The following UMODL1 variants were observed in gnomAD, a reference collection of about 807,000 sequenced individuals.
The protein encoded by UMODL1 is uromodulin like 1.
A neutral mutation model predicts 136.3 loss-of-function variants in UMODL1; 128 were observed. The observed-to-expected ratio is 0.94, with a 90% CI of 0.81 to 1.09. UMODL1 has a LOEUF of 1.09. Ranked by LOEUF, UMODL1 falls within the 50% of genes least tolerant of loss-of-function variation. The pLI is 0.00. For synonymous variants in UMODL1, 721 were observed against 720.0 expected, an observed-to-expected ratio of 1.00 and a Z score of -0.02; for missense variants, 1,766 against 1,725.6, an observed-to-expected ratio of 1.02 and a Z score of -0.41.
intron 9 of UMODL1, among the ~76,000 whole-genome samples, chr21:42,107,932 C>T (rs149857079): frequency 1.3e-3 from 196 of 152,326 alleles, no homozygotes; most frequent in African/African-American, 4.4e-3. Flanking sequence ...CAGTGTGCAG[C>T]GTCCTGCCCT....
rs2067110565 is a variant in UMODL1 at position 42,129,838 on chromosome 21, C to T, written c.3775+41C>T. On this transcript the variant is annotated intron_variant, in intron 21 of 22. Coordinates refer to ENST00000408910, the MANE Select transcript of UMODL1 (RefSeq NM_001004416.3). ...GGTTTAGACAATGAAAGAAAAGATG[C>T]AACCGATTCCTTTTCACCAGCATGT... 4 of 1,407,658 alleles carry T rather than the reference C, an allele frequency of 2.8e-6. No individual in the cohort carries two copies. In the South Asian group the frequency reaches 5.6e-5, roughly 20 times the overall value. The allele number at this position is 1,407,658 out of a possible 1,614,324, so 87.2% of individuals were successfully genotyped here.
chr21:42,089,729 T>C (rs1485215609), intron 5 of UMODL1, among the ~76,000 whole-genome samples: 2 of 152,236 alleles, frequency 1.3e-5, no homozygotes, highest in African/African-American at 2.4e-5. Context: ...AGATAAGCCA[T>C]AGTTTGTAAA....
chr21:42,097,003 G>C (rs377039159), intron 6 of UMODL1, among the ~76,000 whole-genome samples: 3 of 152,164 alleles, frequency 2.0e-5, no homozygotes, highest in Admixed American at 6.5e-5. Context: ...TGATTCCAGG[G>C]TTCTGGTGAC....
chr21:42,120,909 C>T (rs2066961415), intron 15 of UMODL1, 178 bp from the exon 16 acceptor site: 1 of 706,466 alleles, frequency 1.4e-6, no homozygotes, highest in Non-Finnish European at 2.2e-6. Flanking sequence ...CTTAGCCATT[C>T]CCAGCCCCAG....
At chr21:42,136,019 C>A (rs1318140881) in intron 21 of UMODL1, among the ~76,000 whole-genome samples, 1 of 152,096 alleles carries the variant, frequency 6.6e-6, no homozygotes, top group African/African-American at 2.4e-5. Flanking sequence ...TGGGGATGAA[C>A]ACCCTGAGAT....
chr21:42,095,112 T>TTTTTTA (rs1601205271), intron 6 of UMODL1, among the ~76,000 whole-genome samples: 1 of 144,372 alleles, frequency 6.9e-6, no homozygotes, highest in African/African-American at 2.6e-5. Context: ...TTTTTTTTTT[T>TTTTTTA]GAGACAGGGT....
At chr21:42,109,167 G>T (rs946915522) in intron 9 of UMODL1, among the ~76,000 whole-genome samples, 1 of 149,784 alleles carries the variant, frequency 6.7e-6, no homozygotes, top group Non-Finnish European at 1.5e-5. Context: ...ACTCAGCTGT[G>T]TCCCCACCCC....
At chr21:42,105,010 G>A (rs220113) in intron 9 of UMODL1, among the ~76,000 whole-genome samples, 80,050 of 152,012 alleles carry the variant, frequency 0.53, 21,728 homozygotes, top group Middle Eastern at 0.62. Context: ...GTCGTCTCCC[G>A]GGGTGCTGGG....
rs1352151579 is a variant in UMODL1 at position 42,071,462 on chromosome 21, C to T, written c.76+70C>T. 1.3e-5 allele frequency: 18 copies of T among 1,420,832 alleles called. No homozygotes were observed. The Admixed American group carries it at 2.6e-4, about 21-fold the overall frequency. 88.0% of individuals were successfully genotyped at this position (1,420,832 alleles called of 1,614,324 possible). A position where few individuals can be genotyped will look rare whatever the true frequency, so the allele number is the denominator to read the frequency against. On this transcript the variant is annotated intron_variant, in intron 1 of 22. Coordinates refer to ENST00000408910, the MANE Select transcript of UMODL1 (RefSeq NM_001004416.3). ...CTTCCTGGCATGGGTCTCATGAGGACAGCCCCCTGTGGAGACCTGGGCAGG... is the reference window on the plus strand; with the variant it reads ...CTTCCTGGCATGGGTCTCATGAGGATAGCCCCCTGTGGAGACCTGGGCAGG...
chr21:42,112,109 C>G (rs1278078093), intron 12 of UMODL1, among the ~76,000 whole-genome samples: 1 of 151,868 alleles, frequency 6.6e-6, no homozygotes, highest in African/African-American at 2.4e-5. Context: ...GATGACACCC[C>G]CACAACAACT....
intron 21 of UMODL1, among the ~76,000 whole-genome samples, chr21:42,135,728 G>A (rs959386582): frequency 1.3e-5 from 2 of 152,276 alleles, no homozygotes; most frequent in East Asian, 3.9e-4. Context: ...TGGGGAGGGT[G>A]GAGTCACTTT....
chr21:42,129,883 G>A, intron 21 of UMODL1, 86 bp downstream of exon 21: 1 of 1,039,642 alleles, frequency 9.6e-7, no homozygotes, highest in Non-Finnish European at 1.4e-6. Flanking sequence ...AGTAACTGTT[G>A]TGAAATGCAG....
At chr21:42,118,463 G>A (rs1263686915) in intron 14 of UMODL1, among the ~76,000 whole-genome samples, 1 of 152,222 alleles carries the variant, frequency 6.6e-6, no homozygotes, top group African/African-American at 2.4e-5. Flanking sequence ...CTTTCTGAGT[G>A]CTTTGACCAT....
chr21:42,078,646 CGGGG>C lies in UMODL1; in HGVS notation c.319+2400_319+2403del, dbSNP rs1569141446. ...ACCTCCATCACCAACAGAAACCAGGCGGGGCCAGCTGACCCCAGAGCAACACCTC... is the reference window on the plus strand; with the variant it reads ...ACCTCCATCACCAACAGAAACCAGGCCCAGCTGACCCCAGAGCAACACCTC... On this transcript the variant is annotated intron_variant, in intron 2 of 22. Transcript: ENST00000408910. Among the ~76,000 whole-genome samples, 10 of 77,352 alleles carry C rather than the reference CGGGG, an allele frequency of 1.3e-4. 2 individuals carry two copies. Among genetic ancestry groups the C allele is most frequent in the African/African-American group, 4.2e-4 (6 of 14,394 alleles). The allele number at this position is 77,352 out of a possible 152,430, so 50.7% of individuals were successfully genotyped here. A position where few individuals can be genotyped will look rare whatever the true frequency, so the allele number is the denominator to read the frequency against.
chr21:42,138,593 G>A (rs1215879010), intron 22 of UMODL1, among the ~76,000 whole-genome samples: 2 of 142,074 alleles, frequency 1.4e-5, no homozygotes, highest in Non-Finnish European at 3.1e-5. Flanking sequence ...TTTTTTTTTT[G>A]AGATGGAGTT....
In UMODL1 at chr21:42,122,501, C is replaced by T. The variant is rs905208821; in HGVS notation, c.2828-330C>T. On this transcript the variant is annotated intron_variant, in intron 16 of 22. Transcript: ENST00000408910. The surrounding 1 kb of genome is among the most constrained non-coding windows in gnomAD (Gnocchi z 4.3). ...TTGGCCCTCGGGGGCCCATGGTGAG[C>T]CTGGATCCCTGAGCTGGTGGAAATG... Among the ~76,000 whole-genome samples, 1 of 152,170 alleles carries T rather than the reference C, an allele frequency of 6.6e-6. No individual in the cohort carries two copies. Among genetic ancestry groups the T allele is most frequent in the Non-Finnish European group, 1.5e-5 (1 of 68,016 alleles).
intron 9 of UMODL1, among the ~76,000 whole-genome samples, chr21:42,105,214 C>A (rs1046208308): frequency 6.6e-6 from 1 of 152,194 alleles, no homozygotes; most frequent in African/African-American, 2.4e-5. Flanking sequence ...CTGGTAAGAT[C>A]CCACCTAGCT....
Position 42,085,184 on chromosome 21 carries a change from C to T in UMODL1, c.482-107C>T. On this transcript the variant is annotated intron_variant, in intron 3 of 22. Transcript: ENST00000408910. The surrounding 1 kb of genome is among the most constrained non-coding windows in gnomAD (Gnocchi z 4.5). ...GCAGGGAGGTAAATGCAGAGCAGGG[C>T]CTCTCATGGCCTCTGGTTCCCTCTC... 1 of 1,395,002 alleles carries T rather than the reference C, an allele frequency of 7.2e-7. No individual in the cohort carries two copies. The highest frequency in any genetic ancestry group is 9.8e-7 in the Non-Finnish European group (1 of 1,023,614). The allele number at this position is 1,395,002 out of a possible 1,614,324, so 86.4% of individuals were successfully genotyped here.
At position 42,090,307 on chromosome 21, in the gene UMODL1, A is replaced by T; in HGVS notation, c.800A>T (p.Glu267Val). The change falls in exon 6 of 23, where the codon GAG becomes GTG. Residue 267 changes from glutamate (E) to valine (V), a missense_variant. Physicochemically the swap from Glu to Val is moderately radical, Grantham distance 121 (BLOSUM62 -2). Coordinates refer to ENST00000408910, the MANE Select transcript of UMODL1 (RefSeq NM_001004416.3). ...CTCTCCTTCCCTGTAGATGTCAATG[A>T]GTGTTTCTATGAGGAGCTCAATGCC... ...VISVQVQDVN[E>V]CFYEELNACS... The T allele has an allele frequency of 6.2e-7, 1 of 1,614,024 alleles. No homozygotes were observed. The highest frequency in any genetic ancestry group is 8.5e-7 in the Non-Finnish European group (1 of 1,180,000).
Sources: gnomAD v4.1 joint callset for allele counts (sites outside exome capture counted in the v4.1 genomes callset) on GRCh38, gnomAD v4.1.1 for gene constraint, Gnocchi (gnomAD v3.1) non-coding constraint, MANE v1.5 for transcripts, NCBI Gene and HGNC (gene_info 2026-07-23, HGNC 2026-07-21) for gene names.